The following SV2C variants were observed in gnomAD, a reference collection of about 807,000 sequenced individuals.
SV2C encodes solute carrier family 22 member B3.
SV2C carries 49 observed loss-of-function variants against 79.7 expected under a neutral mutation model. That is an observed-to-expected ratio of 0.61 (90% CI 0.49 to 0.78). The LOEUF (loss-of-function observed/expected upper bound fraction) is 0.78, where lower values mean the gene tolerates loss of function less well. Ranked by LOEUF, SV2C falls within the 30% of genes least tolerant of loss-of-function variation. The probability of loss-of-function intolerance (pLI) is 0.00; values close to 1 mark genes in which losing one functional copy is unlikely to be tolerated. For missense variants in SV2C, 833 were observed against 912.9 expected, an observed-to-expected ratio of 0.91 and a Z score of 1.13; for synonymous variants, 334 against 333.2, an observed-to-expected ratio of 1.00 and a Z score of -0.03.
At chr5:75,970,822 T>G in the SV2C span, among the ~76,000 whole-genome samples, 9 of 152,264 alleles carry the variant, frequency 5.9e-5, no homozygotes, top group South Asian at 2.1e-4. Flanking sequence ...TAACTCATTT[T>G]ATGAGGCCAG....
At chr5:76,073,471 G>A in the SV2C span, among the ~76,000 whole-genome samples, 1 of 139,554 alleles carries the variant, frequency 7.2e-6, no homozygotes, top group Non-Finnish European at 1.5e-5. Context: ...CAATCAATGA[G>A]TGAATAAAGA....
At chr5:76,146,923 A>G (rs1335517067) in intron 2 of SV2C, among the ~76,000 whole-genome samples, 1 of 152,132 alleles carries the variant, frequency 6.6e-6, no homozygotes, top group Non-Finnish European at 1.5e-5. Context: ...GAACCTGAAA[A>G]ACATGATATT....
chr5:76,335,014 A>G (rs1371347930), downstream of SV2C, among the ~76,000 whole-genome samples: 2 of 152,216 alleles, frequency 1.3e-5, no homozygotes, highest in Admixed American at 1.3e-4. Flanking sequence ...ACATGTAGCT[A>G]TTTATATTTA....
chr5:76,169,013 G>C (rs1468611933), intron 2 of SV2C, among the ~76,000 whole-genome samples: 3 of 152,150 alleles, frequency 2.0e-5, no homozygotes, highest in African/African-American at 7.2e-5. Context: ...TTAATGAACT[G>C]TTATTTAAAG....
chr5:76,043,231 C>G, the SV2C span, among the ~76,000 whole-genome samples: 2 of 152,168 alleles, frequency 1.3e-5, no homozygotes, highest in Non-Finnish European at 2.9e-5. Context: ...TTTCAGTGAT[C>G]CCCATCTCCT....
intron 2 of SV2C, among the ~76,000 whole-genome samples, chr5:76,182,912 A>G (rs908100115): frequency 4.3e-5 from 6 of 138,038 alleles, no homozygotes; most frequent in African/African-American, 1.6e-4. Flanking sequence ...TAGGATTGAG[A>G]GAGAGAGTGT....
intron 2 of SV2C, among the ~76,000 whole-genome samples, chr5:76,171,659 G>A (rs1390262823): frequency 1.4e-5 from 2 of 145,188 alleles, no homozygotes; most frequent in Admixed American, 6.7e-5. Flanking sequence ...CGGGAGGGAG[G>A]TGGGGGGTCA....
chr5:75,969,760 T>G, the SV2C span, among the ~76,000 whole-genome samples: 1 of 152,038 alleles, frequency 6.6e-6, no homozygotes, highest in African/African-American at 2.4e-5. Flanking sequence ...ATTAGACAGA[T>G]CAACGAGACA....
intron 2 of SV2C, among the ~76,000 whole-genome samples, chr5:76,143,853 C>T (rs186208310): frequency 2.8e-4 from 42 of 152,232 alleles, no homozygotes; most frequent in Admixed American, 2.4e-3. Flanking sequence ...TCAACTGAGC[C>T]GTTCTTGGAG....
the SV2C span, among the ~76,000 whole-genome samples, chr5:75,871,999 A>G: frequency 6.8e-6 from 1 of 147,348 alleles, no homozygotes; most frequent in Non-Finnish European, 1.5e-5. Flanking sequence ...AACAAAATAT[A>G]TATTATTTAT....
intron 4 of SV2C, among the ~76,000 whole-genome samples, chr5:76,217,999 G>A (rs759918988): frequency 3.9e-5 from 6 of 152,166 alleles, no homozygotes; most frequent in East Asian, 1.9e-4. Flanking sequence ...CTGATTCTGC[G>A]GGTTATATGG....
At chr5:75,944,941 G>A in the SV2C span, among the ~76,000 whole-genome samples, 11 of 152,048 alleles carry the variant, frequency 7.2e-5, no homozygotes, top group Non-Finnish European at 1.5e-4. Flanking sequence ...AGGGGTCCCT[G>A]TTGCTCAAAG....
the SV2C span, among the ~76,000 whole-genome samples, chr5:75,992,963 T>C: frequency 2.0e-4 from 31 of 152,070 alleles, no homozygotes; most frequent in African/African-American, 7.5e-4. Context: ...AGATATTTCA[T>C]GACATTGAAA....
At chr5:76,286,888 G>A (rs1747374322) in intron 6 of SV2C, 1 of 152,116 alleles carries the variant, frequency 6.6e-6, no homozygotes, top group African/African-American at 2.4e-5. Flanking sequence ...CAGCATAGGG[G>A]TAACTGTCCC....
chr5:76,303,164 G>T (rs1328621623), intron 12 of SV2C, among the ~76,000 whole-genome samples: 1 of 152,078 alleles, frequency 6.6e-6, no homozygotes, highest in Non-Finnish European at 1.5e-5. Context: ...GACCCTCAGT[G>T]ACCCACCTAT....
chr5:75,930,230 T>C, the SV2C span, among the ~76,000 whole-genome samples: 1 of 152,114 alleles, frequency 6.6e-6, no homozygotes, highest in Non-Finnish European at 1.5e-5. Flanking sequence ...TCTTGACATA[T>C]TATTGTCAGG....
chr5:76,123,683 A>C (rs1748611520), intron 1 of SV2C, among the ~76,000 whole-genome samples: 1 of 152,198 alleles, frequency 6.6e-6, no homozygotes, highest in Non-Finnish European at 1.5e-5. Flanking sequence ...GCTTCATGTC[A>C]AATAACATTT....
chr5:76,320,887 A>G (rs1375275532), intron 12 of SV2C, among the ~76,000 whole-genome samples: 1 of 152,204 alleles, frequency 6.6e-6, no homozygotes, highest in Non-Finnish European at 1.5e-5. Flanking sequence ...CCCACATTCC[A>G]AACAGTTGGC....
intron 2 of SV2C, among the ~76,000 whole-genome samples, chr5:76,143,365 C>T (rs975699075): frequency 4.6e-5 from 7 of 152,126 alleles, no homozygotes; most frequent in African/African-American, 1.7e-4. Flanking sequence ...TAATCCCTTA[C>T]CCCAGAAACA....
Sources: allele counts gnomAD v4.1 joint callset (sites outside exome capture counted in the v4.1 genomes callset), GRCh38; gene constraint gnomAD v4.1.1; transcripts MANE v1.5; gene names NCBI Gene and HGNC (gene_info 2026-07-23, HGNC 2026-07-21).